ZBTB46: variants seen among roughly 807,000 people sequenced by gnomAD.
The protein encoded by ZBTB46 is zinc finger and BTB domain-containing protein 46.
Under a neutral mutation model 44.1 loss-of-function variants are expected in ZBTB46, and 8 were observed. The observed-to-expected ratio is 0.18, with a 90% CI of 0.11 to 0.33. The LOEUF (loss-of-function observed/expected upper bound fraction) is 0.33, where lower values mean the gene tolerates loss of function less well. Among genes scored for constraint, ZBTB46 ranks in the 10% least tolerant of loss-of-function variants. ZBTB46 has a pLI of 1.00. For synonymous variants in ZBTB46, 409 were observed against 382.3 expected (o/e 1.07, Z -0.81); for missense variants, 651 against 847.7 (o/e 0.77, Z 2.88).
intron 3 of ZBTB46, 171 bp downstream of exon 3, chr20:63,775,507 A>T: frequency 1.2e-6 from 1 of 813,048 alleles, no homozygotes; most frequent in Non-Finnish European, 1.8e-6. Context: ...TGCACCTGAG[A>T]GGCCAGTCCA....
At chr20:63,756,496 A>T (rs1258840254) in intron 3 of ZBTB46, among the ~76,000 whole-genome samples, 1 of 152,164 alleles carries the variant, frequency 6.6e-6, no homozygotes, top group Non-Finnish European at 1.5e-5. Flanking sequence ...TTTTGTTTAC[A>T]AATGTATTAG....
rs910962045 is a variant in ZBTB46 at position 63,767,380 on chromosome 20, G to T, written c.1222+8298C>A. ...ACCCGCCCCAGCTGCCCACCGGCTG[G>T]GCATGGAGATGCCTTCACCTGGCAG... On this transcript the variant is annotated intron_variant, in intron 3 of 4. Transcript: ENST00000245663. This position sits in a 1 kb window ranked among gnomAD's most constrained non-coding sequence, Gnocchi z 5.0. Among the ~76,000 whole-genome samples the T allele has an allele frequency of 2.6e-5, 4 of 152,066 alleles. No individual in the cohort carries two copies. The highest frequency in any genetic ancestry group is 4.8e-5 in the African/African-American group (2 of 41,398).
At chr20:63,802,531 C>A (rs1404741753) in intron 1 of ZBTB46, among the ~76,000 whole-genome samples, 1 of 152,052 alleles carries the variant, frequency 6.6e-6, no homozygotes, top group Non-Finnish European at 1.5e-5. Context: ...GCGGAGGCCC[C>A]GGCAAGAGGC....
intron 2 of ZBTB46, among the ~76,000 whole-genome samples, chr20:63,786,163 G>A (rs930693619): frequency 6.6e-6 from 1 of 152,212 alleles, no homozygotes; most frequent in Non-Finnish European, 1.5e-5. Context: ...CCCCAAAGCC[G>A]TGTCTCTTGC....
At chr20:63,762,366 A>C (rs2092284445) in intron 3 of ZBTB46, among the ~76,000 whole-genome samples, 1 of 138,244 alleles carries the variant, frequency 7.2e-6, no homozygotes, top group Non-Finnish European at 1.6e-5. Flanking sequence ...TTTAAAACTG[A>C]GCTGTTGCCG....
At chr20:63,831,302 CCGCGCG>C (rs1212521399), upstream of ZBTB46, 1 of 133,986 alleles carries the variant, frequency 7.5e-6, no homozygotes, top group African/African-American at 2.7e-5. Context: ...CCCCCGCCGC[CCGCGCG>C]CGCGCGCCCC....
intron 2 of ZBTB46, among the ~76,000 whole-genome samples, chr20:63,779,235 TA>T (rs1206426189): frequency 2.0e-4 from 30 of 150,618 alleles, no homozygotes; most frequent in South Asian, 4.2e-4. Flanking sequence ...TTTAATTAAT[TA>T]ATTAATTTAT....
intron 2 of ZBTB46, among the ~76,000 whole-genome samples, chr20:63,777,845 A>G (rs1382387134): frequency 2.0e-5 from 3 of 152,340 alleles, no homozygotes; most frequent in East Asian, 3.9e-4. Context: ...AGGCCACCAC[A>G]CAGAGGAGCC....
intron 2 of ZBTB46, among the ~76,000 whole-genome samples, chr20:63,783,004 C>T (rs911010279): frequency 1.3e-5 from 2 of 152,208 alleles, no homozygotes; most frequent in African/African-American, 2.4e-5. Context: ...GTGGCGCACG[C>T]CCATAGTCCC....
chr20:63,779,447 T>C (rs2092451848), intron 2 of ZBTB46, among the ~76,000 whole-genome samples: 1 of 126,370 alleles, frequency 7.9e-6, no homozygotes, highest in African/African-American at 3.1e-5. Flanking sequence ...TGAGACGGAG[T>C]CTTGCTCTGT....
intron 1 of ZBTB46, among the ~76,000 whole-genome samples, chr20:63,800,759 C>T (rs1479185860): frequency 6.6e-6 from 1 of 152,252 alleles, no homozygotes; most frequent in Non-Finnish European, 1.5e-5. Flanking sequence ...CTCGCCGGCC[C>T]TAGCTGCCTC....
intron 1 of ZBTB46, among the ~76,000 whole-genome samples, chr20:63,793,823 A>G (rs1281968310): frequency 6.6e-6 from 1 of 152,210 alleles, no homozygotes; most frequent in African/African-American, 2.4e-5. Context: ...AGGGCAGCTT[A>G]AAATCAGTTA....
At position 63,744,593 on chromosome 20, in the gene ZBTB46, C is replaced by A. The variant is rs1026578070; in HGVS notation, c.*2337G>T. The A allele has an allele frequency of 6.6e-6, 1 of 152,216 alleles. No homozygotes were observed. Among genetic ancestry groups the A allele is most frequent in the Admixed American group, 6.5e-5 (1 of 15,270 alleles). The allele number at this position is 152,216 out of a possible 1,614,324, so 9.4% of individuals were successfully genotyped here. A position where few individuals can be genotyped will look rare whatever the true frequency, so the allele number is the denominator to read the frequency against. ...AAAAAAATCAGTCACATAAAAAAAA[C>A]CCTTCATGACATGTCTTTTCCCTCC... is the stretch of plus-strand genomic sequence containing the variant. On this transcript the variant is annotated 3_prime_UTR_variant, in exon 5 of 5. Coordinates refer to ENST00000245663, the MANE Select transcript of ZBTB46 (RefSeq NM_001369741.1).
rs376750879 is a variant in ZBTB46, at chr20:63,752,678, G to A, written c.1398+8C>T. ...AGCGCGCGGCACGCGGACCCTCCCC[G>A]CACTCACCAGCGTGTGGCGCTTCAT... On this transcript the variant is annotated splice_region_variant and intron_variant, in intron 4 of 4. Transcript: ENST00000245663. The surrounding 1 kb of genome is among the most constrained non-coding windows in gnomAD (Gnocchi z 5.6). 2.6e-6 allele frequency: 4 copies of A among 1,562,648 alleles called. No homozygotes were observed. The South Asian group carries it at 3.5e-5, about 14-fold the overall frequency.
chr20:63,789,713 A>T, intron 2 of ZBTB46, 108 bp downstream of exon 2: 1 of 1,493,190 alleles, frequency 6.7e-7, no homozygotes, highest in Non-Finnish European at 8.9e-7. Flanking sequence ...GACCCTAGAA[A>T]GCCACCAGTG....
At chr20:63,768,822 C>A (rs2092342633) in intron 3 of ZBTB46, among the ~76,000 whole-genome samples, 1 of 152,058 alleles carries the variant, frequency 6.6e-6, no homozygotes, top group African/African-American at 2.4e-5. Flanking sequence ...GCAGTGGCCT[C>A]CGAGTCGGGG....
chr20:63,828,761 C>T (rs2092832899), intron 1 of ZBTB46, among the ~76,000 whole-genome samples: 1 of 152,238 alleles, frequency 6.6e-6, no homozygotes, highest in African/African-American at 2.4e-5. Context: ...AGCAGTGGAG[C>T]GGGTGCCTGG....
At chr20:63,819,275 T>C (rs1022703028) in intron 1 of ZBTB46, among the ~76,000 whole-genome samples, 2 of 152,166 alleles carry the variant, frequency 1.3e-5, no homozygotes, top group African/African-American at 4.8e-5. Context: ...GAGGTTGTTA[T>C]CAATAACATT....
intron 1 of ZBTB46, among the ~76,000 whole-genome samples, chr20:63,804,984 G>A (rs1306217325): frequency 6.9e-6 from 1 of 145,610 alleles, no homozygotes; most frequent in East Asian, 2.2e-4. Flanking sequence ...GCAGTGACAC[G>A]ATCTCAGCTC....
Sources: allele counts gnomAD v4.1 joint callset (sites outside exome capture counted in the v4.1 genomes callset), GRCh38; gene constraint gnomAD v4.1.1; non-coding constraint Gnocchi (gnomAD v3.1); transcripts MANE v1.5; gene names NCBI Gene and HGNC (gene_info 2026-07-23, HGNC 2026-07-21).